CFAP61: variants seen among roughly 807,000 people sequenced by gnomAD.
CFAP61 encodes the protein cilia and flagella associated protein 61.
CFAP61 carries 107 observed loss-of-function variants against 135.6 expected under a neutral mutation model. The observed-to-expected ratio is 0.79, with a 90% CI of 0.67 to 0.93. The LOEUF (loss-of-function observed/expected upper bound fraction) is 0.93, where lower values mean the gene tolerates loss of function less well. CFAP61 is among the 40% of genes least tolerant of loss of function. CFAP61 has a pLI of 0.00. For missense variants in CFAP61, 1,507 were observed against 1,556.2 expected, an observed-to-expected ratio of 0.97 and a Z score of 0.53; for synonymous variants, 575 against 578.5, an observed-to-expected ratio of 0.99 and a Z score of 0.09.
intron 21 of CFAP61, among the ~76,000 whole-genome samples, chr20:20,274,840 A>G (rs969357640): frequency 1.3e-5 from 2 of 152,162 alleles, no homozygotes; most frequent in African/African-American, 2.4e-5. Context: ...GCATTCTACT[A>G]TATTTTATGG....
Position 20,169,471 on chromosome 20 carries a change from A to G in CFAP61, c.1385+11A>G, listed in dbSNP as rs1414610030. The G allele has an allele frequency of 6.3e-7, 1 of 1,598,720 alleles. No homozygotes were observed. Among genetic ancestry groups the G allele is most frequent in the Non-Finnish European group, 8.5e-7 (1 of 1,170,586 alleles). ...GGCTGGATTGCTCAAGTGAGTAGACACATGTTTGGCCACACAACAATCCAT... is the reference window on the plus strand; with the variant it reads ...GGCTGGATTGCTCAAGTGAGTAGACGCATGTTTGGCCACACAACAATCCAT... On this transcript the variant is annotated intron_variant, in intron 13 of 26. Transcript: ENST00000245957.
At chr20:20,097,408 A>G (rs1174330949) in intron 7 of CFAP61, among the ~76,000 whole-genome samples, 1 of 152,228 alleles carries the variant, frequency 6.6e-6, no homozygotes, top group Non-Finnish European at 1.5e-5. Context: ...TTAAAGGACT[A>G]TGTATTTTCT....
At chr20:20,182,576 G>C (rs1422355363) in intron 13 of CFAP61, among the ~76,000 whole-genome samples, 1 of 152,202 alleles carries the variant, frequency 6.6e-6, no homozygotes, top group Non-Finnish European at 1.5e-5. Flanking sequence ...GCACACAGCA[G>C]ATGTTTAATA....
At chr20:20,300,995 C>T (rs1455682063) in intron 25 of CFAP61, among the ~76,000 whole-genome samples, 1 of 152,072 alleles carries the variant, frequency 6.6e-6, no homozygotes, top group African/African-American at 2.4e-5. Flanking sequence ...AGAGTAAGCA[C>T]AGGTTAACTT....
At chr20:20,131,680 TG>T (rs536178468) in intron 8 of CFAP61, among the ~76,000 whole-genome samples, 5 of 152,060 alleles carry the variant, frequency 3.3e-5, no homozygotes, top group African/African-American at 1.2e-4. Flanking sequence ...GCTTATTTGA[TG>T]TTTTTTTAAT....
chr20:20,180,964 A>G (rs1200642558), intron 13 of CFAP61, among the ~76,000 whole-genome samples: 7 of 152,000 alleles, frequency 4.6e-5, no homozygotes, highest in South Asian at 2.1e-4. Context: ...ATGAGAACAC[A>G]TGGACACATA....
intron 20 of CFAP61, among the ~76,000 whole-genome samples, chr20:20,254,911 T>C (rs1167228824): frequency 1.3e-5 from 2 of 152,198 alleles, no homozygotes; most frequent in Non-Finnish European, 2.9e-5. Context: ...AATACTACAT[T>C]GCACTGCACG....
At chr20:20,336,909 G>A (rs1006624080) in intron 25 of CFAP61, among the ~76,000 whole-genome samples, 5 of 152,264 alleles carry the variant, frequency 3.3e-5, no homozygotes, top group East Asian at 1.9e-4. Flanking sequence ...CACCCACCAT[G>A]TGTGCATTTC....
In CFAP61 at chr20:20,142,898, G is replaced by A. The variant is rs1300114881; in HGVS notation, c.901G>A (p.Val301Ile). 1 of 1,605,332 alleles carries A rather than the reference G, an allele frequency of 6.2e-7. No individual in the cohort carries two copies. Among genetic ancestry groups the A allele is most frequent in the East Asian group, 2.2e-5 (1 of 44,702 alleles). Residue 301 changes from valine (V) to isoleucine (I), a missense_variant, in exon 9 of 27, where the codon GTC becomes ATC. Val to Ile is a conservative substitution (Grantham distance 29). Transcript: ENST00000245957. ...RSSSQGSQKI[V>I]EELQEPVSPD... ...TAGCAGCCAAGGTTCCCAAAAAATA[G>A]TCGAGGAGTTGCAGGAACCTGTCTC...
chr20:20,317,333 G>A (rs1187070237), intron 25 of CFAP61, among the ~76,000 whole-genome samples: 1 of 152,050 alleles, frequency 6.6e-6, no homozygotes, highest in Non-Finnish European at 1.5e-5. Flanking sequence ...ACAGTCCCTG[G>A]GCTGCACAGC....
chr20:20,303,962 TA>T (rs1312693877), intron 25 of CFAP61, among the ~76,000 whole-genome samples: 7 of 152,166 alleles, frequency 4.6e-5, no homozygotes, highest in African/African-American at 1.7e-4. Flanking sequence ...GCGCAGGCAC[TA>T]GCTGTGCCAA....
chr20:20,357,950 A>AGT (rs1158115040), intron 26 of CFAP61, among the ~76,000 whole-genome samples: 14 of 129,004 alleles, frequency 1.1e-4, no homozygotes, highest in African/African-American at 3.9e-4. Flanking sequence ...AGGTGGTCAC[A>AGT]CTGAGGGGAG....
At chr20:20,249,090 C>A (rs2050687424) in intron 19 of CFAP61, among the ~76,000 whole-genome samples, 1 of 152,108 alleles carries the variant, frequency 6.6e-6, no homozygotes, top group Admixed American at 6.5e-5. Context: ...TCAGGCCCTG[C>A]TATGTTAGAA....
At chr20:20,136,311 T>G (rs1480448454) in intron 8 of CFAP61, among the ~76,000 whole-genome samples, 1 of 152,164 alleles carries the variant, frequency 6.6e-6, no homozygotes, top group Non-Finnish European at 1.5e-5. Flanking sequence ...ACTATCCCCT[T>G]GAATAAACTT....
intron 23 of CFAP61, among the ~76,000 whole-genome samples, chr20:20,289,653 G>A (rs147141378): frequency 2.4e-4 from 37 of 152,276 alleles, no homozygotes; most frequent in Admixed American, 7.8e-4. Flanking sequence ...TTACAGAGAC[G>A]AAAGCCCCAC....
In CFAP61 at chr20:20,251,752, C is replaced by T; in HGVS notation, c.2317C>T (p.Gln773Ter). 1 of 1,613,586 alleles carries T rather than the reference C, an allele frequency of 6.2e-7. No homozygotes were observed. Among genetic ancestry groups the T allele is most frequent in the South Asian group, 1.1e-5 (1 of 91,088 alleles). Residue 773 changes from glutamine (Q) to a stop codon, truncating the protein, a stop_gained, in exon 20 of 27, where the codon CAG (glutamine) becomes TAG (stop). Transcript: ENST00000245957. LOFTEE classifies it high-confidence loss of function. ...CGACCACCTCATCCTCTGCACCGGG[C>T]AGCAGTACCAGGTAAGGCCGGGCAC... ...PYDHLILCTG[Q>*]QYQVPCPTEA...
chr20:20,144,166 C>T (rs2249428), intron 9 of CFAP61, among the ~76,000 whole-genome samples: 137,280 of 152,198 alleles, frequency 0.9, 62,714 homozygotes, highest in Middle Eastern at 0.99. Flanking sequence ...TACTTGGCAC[C>T]CACCAAGATG....
At chr20:20,099,787 A>G (rs994210609) in intron 8 of CFAP61, among the ~76,000 whole-genome samples, 6 of 152,194 alleles carry the variant, frequency 3.9e-5, no homozygotes, top group African/African-American at 1.4e-4. Flanking sequence ...TTGTTCAGAA[A>G]TGGGGAAAGG....
At chr20:20,143,115 G>A (rs1439384646) in intron 9 of CFAP61, among the ~76,000 whole-genome samples, 167 bp downstream of exon 9, 1 of 152,186 alleles carries the variant, frequency 6.6e-6, no homozygotes, top group African/African-American at 2.4e-5. Context: ...GGAAACAGAG[G>A]CCTCTGTGTT....
Sources: gnomAD v4.1 joint callset for allele counts (sites outside exome capture counted in the v4.1 genomes callset) on GRCh38, gnomAD v4.1.1 for gene constraint, MANE v1.5 for transcripts, NCBI Gene and HGNC (gene_info 2026-07-23, HGNC 2026-07-21) for gene names.